KIAA1328: variants seen among roughly 807,000 people sequenced by gnomAD.
KIAA1328 encodes the protein KIAA1328.
KIAA1328 carries 52 observed loss-of-function variants against 68.1 expected under a neutral mutation model. The ratio of observed to expected loss-of-function variants is 0.76; its 90% CI spans 0.61 to 0.96. KIAA1328 has a LOEUF of 0.96. KIAA1328 is among the 40% of genes least tolerant of loss of function. The pLI, the probability that KIAA1328 is intolerant of heterozygous loss-of-function variation, is 0.00. For synonymous variants in KIAA1328, 232 were observed against 239.4 expected, an observed-to-expected ratio of 0.97 and a Z score of 0.28; for missense variants, 641 against 677.6, an observed-to-expected ratio of 0.95 and a Z score of 0.60.
intron 6 of KIAA1328, among the ~76,000 whole-genome samples, chr18:37,059,887 C>T (rs2056077186): frequency 1.3e-5 from 2 of 151,862 alleles, no homozygotes; most frequent in African/African-American, 4.8e-5. Flanking sequence ...ATGTCCTTTG[C>T]AGGGACATGG....
chr18:37,136,706 G>T (rs547895342), intron 7 of KIAA1328, among the ~76,000 whole-genome samples: 69 of 152,238 alleles, frequency 4.5e-4, no homozygotes, highest in African/African-American at 1.3e-3. Flanking sequence ...TCGTACTTTG[G>T]TTTATACCTG....
At chr18:36,922,526 G>A (rs1202383483) in intron 5 of KIAA1328, among the ~76,000 whole-genome samples, 1 of 152,086 alleles carries the variant, frequency 6.6e-6, no homozygotes, top group Admixed American at 6.5e-5. Flanking sequence ...TTATTGAAAA[G>A]TTTGTTTATA....
At position 37,222,014 on chromosome 18, in the gene KIAA1328, C is replaced by T; in HGVS notation, c.1524-3C>T. The T allele has an allele frequency of 6.2e-7, 1 of 1,612,470 alleles. No individual in the cohort carries two copies. The highest frequency in any genetic ancestry group is 8.5e-7 in the Non-Finnish European group (1 of 1,178,968). On this transcript the variant is annotated splice_polypyrimidine_tract_variant and splice_region_variant and intron_variant, in intron 9 of 9. Coordinates refer to ENST00000280020, the MANE Select transcript of KIAA1328 (RefSeq NM_020776.3). Reference sequence around the variant, plus strand: ...TTTCCTGTCTGGGTTATATGTCTTACAGGTATGAGACATCTTTGTTGGATT... The same window carrying T: ...TTTCCTGTCTGGGTTATATGTCTTATAGGTATGAGACATCTTTGTTGGATT...
At chr18:36,935,533 A>G (rs2050467487) in intron 5 of KIAA1328, among the ~76,000 whole-genome samples, 1 of 151,788 alleles carries the variant, frequency 6.6e-6, no homozygotes. Context: ...ATGAGTGGGG[A>G]TTTTGGCTTT....
chr18:36,839,542 G>A (rs1231690364), intron 3 of KIAA1328, among the ~76,000 whole-genome samples: 1 of 152,092 alleles, frequency 6.6e-6, no homozygotes, highest in African/African-American at 2.4e-5. Flanking sequence ...GTCATTTGTG[G>A]ATAGGTTTCA....
chr18:37,081,448 G>C (rs182676472), intron 7 of KIAA1328, among the ~76,000 whole-genome samples: 18 of 152,104 alleles, frequency 1.2e-4, no homozygotes, highest in Non-Finnish European at 2.5e-4. Context: ...CTACTCTTTG[G>C]CCTGCTTTTT....
chr18:37,066,483 T>C (rs1423797760), intron 6 of KIAA1328, among the ~76,000 whole-genome samples: 1 of 150,206 alleles, frequency 6.7e-6, no homozygotes, highest in Admixed American at 6.6e-5. Flanking sequence ...TGCTGTGTAA[T>C]GGCCAAAGAG....
intron 4 of KIAA1328, among the ~76,000 whole-genome samples, chr18:36,863,006 A>AT (rs1261990903): frequency 1.3e-5 from 2 of 151,832 alleles, no homozygotes; most frequent in Non-Finnish European, 2.9e-5. Flanking sequence ...TCTTATTGCA[A>AT]TTTTTTTGTT....
At chr18:37,048,547 T>C (rs1008791566) in intron 6 of KIAA1328, among the ~76,000 whole-genome samples, 1 of 152,120 alleles carries the variant, frequency 6.6e-6, no homozygotes, top group Non-Finnish European at 1.5e-5. Context: ...CAATACAATC[T>C]CTAGTTTTAA....
At chr18:36,999,205 C>G (rs2053501283) in intron 6 of KIAA1328, among the ~76,000 whole-genome samples, 1 of 152,006 alleles carries the variant, frequency 6.6e-6, no homozygotes, top group African/African-American at 2.4e-5. Flanking sequence ...AAAGATGAGT[C>G]TTTTGAAATA....
At chr18:36,863,639 C>T (rs1005158365) in intron 4 of KIAA1328, among the ~76,000 whole-genome samples, 5 of 152,106 alleles carry the variant, frequency 3.3e-5, no homozygotes, top group Admixed American at 6.5e-5. Context: ...TGGGTCTTCT[C>T]ATCTATGAAC....
At chr18:37,193,209 C>T (rs2059940244) in intron 9 of KIAA1328, among the ~76,000 whole-genome samples, 1 of 152,148 alleles carries the variant, frequency 6.6e-6, no homozygotes, top group South Asian at 2.1e-4. Context: ...TTGGGACTAA[C>T]AGCCGGGGTG....
intron 6 of KIAA1328, among the ~76,000 whole-genome samples, chr18:37,012,128 C>A (rs1486148647): frequency 2.6e-5 from 4 of 152,132 alleles, no homozygotes; most frequent in Admixed American, 6.5e-5. Context: ...CTAGGTTAGA[C>A]TTCCAGTAGT....
rs561529586 is a variant in KIAA1328 at position 37,080,503 on chromosome 18, G to A, written c.1232+12958G>A. Among the ~76,000 whole-genome samples, 17 of 152,232 alleles carry A rather than the reference G, an allele frequency of 1.1e-4. 1 individual carries two copies. The South Asian group carries it at 2.7e-3, about 24-fold the overall frequency. ...TAGAACTAGTCATGCTGGGCCGGGC[G>A]CGGTGGCTCACGCCTATAATCCCAG... On this transcript the variant is annotated intron_variant, in intron 7 of 9. Coordinates refer to ENST00000280020, the MANE Select transcript of KIAA1328 (RefSeq NM_020776.3).
At chr18:37,017,145 A>T (rs2054181051) in intron 6 of KIAA1328, among the ~76,000 whole-genome samples, 1 of 151,950 alleles carries the variant, frequency 6.6e-6, no homozygotes. Context: ...TGTATCTCAG[A>T]TGTTTTGGTA....
intron 9 of KIAA1328, among the ~76,000 whole-genome samples, chr18:37,217,153 A>T (rs1172630281): frequency 3.3e-5 from 5 of 151,860 alleles, no homozygotes; most frequent in Non-Finnish European, 7.4e-5. Context: ...TAATTGGGGC[A>T]TTTAGCCCAT....
intron 7 of KIAA1328, among the ~76,000 whole-genome samples, chr18:37,080,559 G>A (rs889394596): frequency 1.3e-5 from 2 of 151,942 alleles, no homozygotes; most frequent in African/African-American, 2.4e-5. Flanking sequence ...GGTGGATCAC[G>A]AGGTCATGAG....
chr18:37,076,439 C>A (rs942829711), intron 7 of KIAA1328, among the ~76,000 whole-genome samples: 1 of 151,616 alleles, frequency 6.6e-6, no homozygotes, highest in Admixed American at 6.6e-5. Context: ...AAAGCAAGAG[C>A]AAACACATTC....
At chr18:36,893,365 T>C (rs2048753685) in intron 5 of KIAA1328, among the ~76,000 whole-genome samples, 2 of 151,752 alleles carry the variant, frequency 1.3e-5, no homozygotes, top group African/African-American at 4.8e-5. Context: ...TCTCCTGGGC[T>C]TAAGTAGTCC....
Sources: allele counts gnomAD v4.1 joint callset (sites outside exome capture counted in the v4.1 genomes callset), GRCh38; gene constraint gnomAD v4.1.1; transcripts MANE v1.5; gene names NCBI Gene and HGNC (gene_info 2026-07-23, HGNC 2026-07-21).